The following NAV1 variants were observed in gnomAD, a reference collection of about 807,000 sequenced individuals.
The protein encoded by NAV1 is pore membrane and/or filament interacting like protein 3.
A neutral mutation model predicts 175.2 loss-of-function variants in NAV1; 18 were observed. The ratio of observed to expected loss-of-function variants is 0.10; its 90% CI spans 0.07 to 0.15. The LOEUF (loss-of-function observed/expected upper bound fraction) is 0.15. NAV1 is among the 10% of genes least tolerant of loss of function. The probability of loss-of-function intolerance (pLI) is 1.00; values close to 1 mark genes in which losing one functional copy is unlikely to be tolerated. For missense variants in NAV1, 1,731 were observed against 2,436.6 expected (o/e 0.71, Z 6.10); for synonymous variants, 897 against 978.7 (o/e 0.92, Z 1.56).
intron 3 of NAV1, among the ~76,000 whole-genome samples, chr1:201,761,905 C>T (rs1408126619): frequency 6.6e-6 from 1 of 152,066 alleles, no homozygotes; most frequent in African/African-American, 2.4e-5. Flanking sequence ...GTAATCCTAG[C>T]ACTTTGGTAA....
At chr1:201,606,130 G>A (rs948165985) in intron 2 of NAV1, among the ~76,000 whole-genome samples, 2 of 152,174 alleles carry the variant, frequency 1.3e-5, no homozygotes, top group East Asian at 1.9e-4. Flanking sequence ...GGGAAGTCAG[G>A]TGATGTCTTA....
intron 1 of NAV1, among the ~76,000 whole-genome samples, chr1:201,584,141 G>A (rs755689848): frequency 4.6e-5 from 7 of 152,174 alleles, no homozygotes; most frequent in Admixed American, 2.6e-4. Flanking sequence ...TCCACTTTAA[G>A]TGTAAGAACA....
rs753895159 is a variant in NAV1 at position 201,649,030 on chromosome 1, G to T, written c.362G>T (p.Gly121Val). 25 of 1,613,652 alleles carry T rather than the reference G, an allele frequency of 1.5e-5. No individual in the cohort carries two copies. Among genetic ancestry groups the T allele is most frequent in the Middle Eastern group, 1.6e-4 (1 of 6,062 alleles). Residue 121 changes from glycine to valine, a missense_variant, in exon 1 of 30, where the codon GGC (glycine) becomes GTC (valine). Gly to Val is a moderately radical substitution (Grantham distance 109). Transcript: ENST00000367296. ...GACGATATGGCCAAGGCGCCCAAAG[G>T]CTTAGGCAAGGTGGGGTCCAAGGGC...
chr1:201,677,552 T>C lies in NAV1; in HGVS notation c.757+28127T>C, dbSNP rs915981348. Reference sequence around the variant, plus strand: ...GGACTCACGGTGCTTTTTTCATTTCTAGTTCAGGAGAGCCTTGCCCACTCT... The same window carrying C: ...GGACTCACGGTGCTTTTTTCATTTCCAGTTCAGGAGAGCCTTGCCCACTCT... On this transcript the variant is annotated intron_variant, in intron 1 of 29. Transcript: ENST00000367296. 1.4e-4 allele frequency among the ~76,000 whole-genome samples: 22 copies of C among 152,230 alleles called. 1 individual carries two copies. The highest frequency in any genetic ancestry group is 3.4e-3 in the Middle Eastern group (1 of 294).
intron 15 of NAV1, chr1:201,795,734 T>G (rs1350130767): frequency 6.6e-6 from 1 of 151,960 alleles, no homozygotes; most frequent in Non-Finnish European, 1.5e-5. Flanking sequence ...TTACAATTTT[T>G]AGTACTTATT....
At chr1:201,586,061 C>G (rs558850098) in intron 1 of NAV1, among the ~76,000 whole-genome samples, 24 of 152,310 alleles carry the variant, frequency 1.6e-4, no homozygotes, top group Non-Finnish European at 2.8e-4. Context: ...AAGGTAGAAG[C>G]AACCCATGTA....
intron 1 of NAV1, among the ~76,000 whole-genome samples, chr1:201,682,545 T>C (rs1670508566): frequency 6.6e-6 from 1 of 152,222 alleles, no homozygotes; most frequent in Non-Finnish European, 1.5e-5. Flanking sequence ...ATTGTAGTTC[T>C]CCTTGGCATA....
intron 1 of NAV1, among the ~76,000 whole-genome samples, chr1:201,540,018 C>T (rs1031262593): frequency 4.6e-5 from 7 of 152,204 alleles, no homozygotes; most frequent in South Asian, 4.1e-4. Context: ...GGGGAGCTCA[C>T]CTGAGCGCTC....
At chr1:201,643,200 TCCTTCCTTC>T (rs1668862162) in intron 2 of NAV1, among the ~76,000 whole-genome samples, 1 of 145,210 alleles carries the variant, frequency 6.9e-6, no homozygotes, top group African/African-American at 2.7e-5. Flanking sequence ...CCTTCCTTCC[TCCTTCCTTC>T]CCTTCCTTCT....
intron 1 of NAV1, among the ~76,000 whole-genome samples, chr1:201,692,442 G>A (rs1283603778): frequency 6.6e-6 from 1 of 152,224 alleles, no homozygotes; most frequent in African/African-American, 2.4e-5. Context: ...TGTGTGTCCA[G>A]TAAAATATAT....
chr1:201,589,620 T>C (rs1020513190), intron 2 of NAV1, among the ~76,000 whole-genome samples: 10 of 152,144 alleles, frequency 6.6e-5, no homozygotes, highest in African/African-American at 2.4e-4. Context: ...GCCTCCTGTG[T>C]AGCTGGGACC....
Position 201,813,394 on chromosome 1 carries a change from G to T in NAV1, c.5340+136G>T. On this transcript the variant is annotated intron_variant, in intron 28 of 29. Coordinates refer to ENST00000367296, the Ensembl canonical transcript of NAV1. The surrounding 1 kb of genome is among the most constrained non-coding windows in gnomAD (Gnocchi z 4.2). The stretch of plus-strand genomic sequence containing the variant: ...TTTCTAACAGGTGGAGCAAGGCACT[G>T]GGTAGACTAAGCTGCTTTCCTGCCT... 1 of 622,668 alleles carries T rather than the reference G, an allele frequency of 1.6e-6. No individual in the cohort carries two copies. The highest frequency in any genetic ancestry group is 2.8e-6 in the Non-Finnish European group (1 of 358,332). 38.6% of individuals were successfully genotyped at this position (622,668 alleles called of 1,614,324 possible). A position where few individuals can be genotyped will look rare whatever the true frequency, so the allele number is the denominator to read the frequency against.
chr1:201,809,819 C>A (rs1474315998), intron 22 of NAV1, 127 bp from the exon 27 acceptor site: 7 of 961,750 alleles, frequency 7.3e-6, no homozygotes, highest in Non-Finnish European at 1.1e-5. Context: ...AGAAATGCTA[C>A]CTAGGAAAAG....
intron 3 of NAV1, among the ~76,000 whole-genome samples, chr1:201,758,498 G>T (rs1361457107): frequency 6.6e-6 from 1 of 152,148 alleles, no homozygotes; most frequent in Non-Finnish European, 1.5e-5. Flanking sequence ...TTGTGTTTTG[G>T]TTTGCAGGCT....
chr1:201,740,060 G>C lies in NAV1; in HGVS notation c.1226+21305G>C. The C allele has an allele frequency of 6.7e-7, 1 of 1,502,500 alleles. No homozygotes were observed. Among genetic ancestry groups the C allele is most frequent in the Non-Finnish European group, 8.9e-7 (1 of 1,124,340 alleles). 93.1% of individuals were successfully genotyped at this position (1,502,500 alleles called of 1,614,324 possible). On this transcript the variant is annotated intron_variant, in intron 3 of 29. Transcript: ENST00000367296. The surrounding 1 kb of genome is among the most constrained non-coding windows in gnomAD (Gnocchi z 4.7). ...GCCCCTGCCCAGATCCGGAAGAACGGTGAATTTCCCCCGCAGGTAAGCGCC... is the reference window on the plus strand; with the variant it reads ...GCCCCTGCCCAGATCCGGAAGAACGCTGAATTTCCCCCGCAGGTAAGCGCC...
chr1:201,709,144 C>CAAAAA (rs112333135), intron 1 of NAV1, among the ~76,000 whole-genome samples: 1 of 117,378 alleles, frequency 8.5e-6, no homozygotes, highest in African/African-American at 3.2e-5. Context: ...GACCCTGTCT[C>CAAAAA]CAAAAAAAAA....
At chr1:201,581,703 C>G (rs962046626) in intron 1 of NAV1, among the ~76,000 whole-genome samples, 1 of 151,872 alleles carries the variant, frequency 6.6e-6, no homozygotes, top group South Asian at 2.1e-4. Flanking sequence ...GTGGTGGGCG[C>G]CTGTTATCCC....
chr1:201,560,209 A>T (rs1042337423), intron 1 of NAV1, among the ~76,000 whole-genome samples: 2 of 152,104 alleles, frequency 1.3e-5, no homozygotes, highest in African/African-American at 4.8e-5. Context: ...GCTTTCTCTC[A>T]TGTAACTTTC....
chr1:201,757,714 C>T (rs1041962913), intron 3 of NAV1, among the ~76,000 whole-genome samples: 3 of 152,164 alleles, frequency 2.0e-5, no homozygotes, highest in Non-Finnish European at 4.4e-5. Context: ...TTTCATCCAG[C>T]GAGGCACAAG....
Sources: allele counts gnomAD v4.1 joint callset (sites outside exome capture counted in the v4.1 genomes callset), GRCh38; gene constraint gnomAD v4.1.1; non-coding constraint Gnocchi (gnomAD v3.1); transcripts MANE v1.5; gene names NCBI Gene and HGNC (gene_info 2026-07-23, HGNC 2026-07-21).